SAMSN1: variants seen among roughly 807,000 people sequenced by gnomAD.
SAMSN1 encodes the protein SAM domain-containing protein SAMSN-1.
Under a neutral mutation model 42.0 loss-of-function variants are expected in SAMSN1, and 31 were observed. That is an observed-to-expected ratio of 0.74 (90% confidence interval 0.55 to 1.00). The LOEUF is 1.00. Among genes scored for constraint, SAMSN1 ranks in the 50% least tolerant of loss-of-function variants. The pLI is 0.00. For synonymous variants in SAMSN1, 178 were observed against 151.9 expected (o/e 1.17, Z -1.26); for missense variants, 464 against 439.4 (o/e 1.06, Z -0.50).
At chr21:14,611,061 A>G (rs1982693704) in intron 4 of SAMSN1, among the ~76,000 whole-genome samples, 1 of 152,040 alleles carries the variant, frequency 6.6e-6, no homozygotes, top group Admixed American at 6.5e-5. Context: ...AAGTAGCTGA[A>G]ACTACAGTCA....
intron 3 of SAMSN1, chr21:14,615,863 C>CAAA (rs34255188): frequency 6.4e-4 from 74 of 116,402 alleles, no homozygotes; most frequent in African/African-American, 1.4e-3. Flanking sequence ...ATGACAGCTG[C>CAAA]AAAAAAAAAA....
chr21:14,492,256 A>T (rs1986724196), intron 7 of SAMSN1, among the ~76,000 whole-genome samples: 1 of 152,126 alleles, frequency 6.6e-6, no homozygotes, highest in African/African-American at 2.4e-5. Flanking sequence ...ACTTATTTAC[A>T]CTCTTGCACA....
intron 5 of SAMSN1, among the ~76,000 whole-genome samples, chr21:14,606,139 CAAG>C (rs1452789330): frequency 6.6e-6 from 1 of 152,080 alleles, no homozygotes; most frequent in Non-Finnish European, 1.5e-5. Flanking sequence ...TGCGCCCGGT[CAAG>C]AAGATTTATT....
At chr21:14,497,540 C>A (rs756608935) in intron 7 of SAMSN1, among the ~76,000 whole-genome samples, 4 of 152,002 alleles carry the variant, frequency 2.6e-5, no homozygotes, top group Non-Finnish European at 5.9e-5. Flanking sequence ...CGCGGTGAGC[C>A]GAGATCGCAC....
At chr21:14,539,775 C>G (rs1979881257) in intron 1 of SAMSN1, among the ~76,000 whole-genome samples, 2 of 152,132 alleles carry the variant, frequency 1.3e-5, no homozygotes, top group Non-Finnish European at 2.9e-5. Context: ...ACTTACTCCA[C>G]AGAATCGGAA....
At chr21:14,539,698 C>A (rs556061386) in intron 1 of SAMSN1, among the ~76,000 whole-genome samples, 1 of 152,012 alleles carries the variant, frequency 6.6e-6, no homozygotes, top group South Asian at 2.1e-4. Context: ...GAATCAATAT[C>A]GTGAAAATGG....
chr21:14,588,540 G>A (rs1457121615), intron 7 of SAMSN1, among the ~76,000 whole-genome samples: 1 of 151,994 alleles, frequency 6.6e-6, no homozygotes, highest in East Asian at 1.9e-4. Flanking sequence ...CTGCATAAAT[G>A]TCTTCTTTTG....
At chr21:14,538,253 T>C (rs1176357375) in intron 1 of SAMSN1, among the ~76,000 whole-genome samples, 2 of 152,194 alleles carry the variant, frequency 1.3e-5, no homozygotes, top group Non-Finnish European at 2.9e-5. Flanking sequence ...TCATGTATTT[T>C]ATTCCAGAAA....
intron 1 of SAMSN1, among the ~76,000 whole-genome samples, chr21:14,530,278 A>C (rs4504073): frequency 1 from 148,072 of 148,076 alleles, 74,034 homozygotes; most frequent in Middle Eastern, 1. Flanking sequence ...GATTGAGCCA[A>C]TGCGCTCCAG....
At chr21:14,568,690 A>G (rs1013682174) in intron 2 of SAMSN1, among the ~76,000 whole-genome samples, 1 of 152,202 alleles carries the variant, frequency 6.6e-6, no homozygotes, top group Non-Finnish European at 1.5e-5. Flanking sequence ...TCACAAATGA[A>G]GAAGTTTCCC....
At chr21:14,577,492 GTTA>G (rs1361952971) in intron 2 of SAMSN1, among the ~76,000 whole-genome samples, 4 of 151,180 alleles carry the variant, frequency 2.6e-5, no homozygotes, top group Admixed American at 1.3e-4. Flanking sequence ...AAATATATGT[GTTA>G]TTATAAAAAC....
chr21:14,584,889 A>C (rs1480806013), upstream of SAMSN1, among the ~76,000 whole-genome samples: 1 of 152,208 alleles, frequency 6.6e-6, no homozygotes, highest in Non-Finnish European at 1.5e-5. Flanking sequence ...AGGATATCTG[A>C]CATGCAACAT....
rs1568805128 is a variant in SAMSN1, at chr21:14,551,625, C to A, written c.262-30404G>T. The stretch of plus-strand genomic sequence containing the variant: ...TAACAAATAATGATAAAATTTAATC[C>A]ATTTATGATTAAAAGTTGTAATTTT... On this transcript the variant is annotated intron_variant, in intron 2 of 8. Transcript: ENST00000285670. Among the ~76,000 whole-genome samples, 3 of 152,008 alleles carry A rather than the reference C, an allele frequency of 2.0e-5. No homozygotes were observed. In the East Asian group the frequency reaches 5.8e-4, roughly 29 times the overall value.
At chr21:14,594,194 A>G (rs752296056) in intron 6 of SAMSN1, 27 of 592,714 alleles carry the variant, frequency 4.6e-5, no homozygotes, top group Non-Finnish European at 6.9e-5. Flanking sequence ...TGTCTTAATT[A>G]GAAATAATTA....
chr21:14,495,423 T>C (rs1986878674), intron 7 of SAMSN1, among the ~76,000 whole-genome samples: 1 of 152,236 alleles, frequency 6.6e-6, no homozygotes, highest in Non-Finnish European at 1.5e-5. Context: ...TCAGTCAGAA[T>C]AGCCTAACCT....
chr21:14,507,888 C>T (rs1246105081), intron 5 of SAMSN1, among the ~76,000 whole-genome samples: 1 of 150,564 alleles, frequency 6.6e-6, no homozygotes, highest in Non-Finnish European at 1.5e-5. Context: ...AAAGAGAACC[C>T]AGAAATAAAT....
intron 2 of SAMSN1, among the ~76,000 whole-genome samples, chr21:14,517,249 T>A (rs142808596): frequency 4.6e-5 from 7 of 152,314 alleles, no homozygotes; most frequent in African/African-American, 1.7e-4. Flanking sequence ...GAAAGTAAAA[T>A]TCGTGATGTT....
rs192978628 is a variant in SAMSN1, at chr21:14,521,198, G to C, written c.81C>G (p.Phe27Leu). ...KPKRSSSFGN[F>L]DRFRNNSLSK... ...ATAAAGAATTATTCCGAAAACGATC[G>C]AAATTCCCAAAACTGCTGCTTCGCT... is the stretch of plus-strand genomic sequence containing the variant. The change falls in exon 2 of 8, where the codon TTC becomes TTG. Residue 27 changes from phenylalanine to leucine, a missense_variant. By Grantham distance (22) the Phe-to-Leu change is conservative (BLOSUM62 0). Transcript: ENST00000400566. 18 of 1,610,986 alleles carry C rather than the reference G, an allele frequency of 1.1e-5. No individual in the cohort carries two copies. The highest frequency in any genetic ancestry group is 1.5e-5 in the Non-Finnish European group (18 of 1,178,438).
intron 7 of SAMSN1, chr21:14,591,942 G>A (rs1325015669): frequency 6.6e-6 from 1 of 152,158 alleles, no homozygotes. Context: ...GTATAATGAA[G>A]TCGCAATGTC....
Sources: allele counts gnomAD v4.1 joint callset (sites outside exome capture counted in the v4.1 genomes callset), GRCh38; gene constraint gnomAD v4.1.1; transcripts MANE v1.5; gene names NCBI Gene and HGNC (gene_info 2026-07-23, HGNC 2026-07-21).